SRP72: variants seen among roughly 807,000 people sequenced by gnomAD.
SRP72 encodes signal recognition particle 72, also known as signal recognition particle subunit SRP72.
Under a neutral mutation model 96.3 loss-of-function variants are expected in SRP72, and 49 were observed. The ratio of observed to expected loss-of-function variants is 0.51; its 90% confidence interval spans 0.40 to 0.65. The LOEUF (loss-of-function observed/expected upper bound fraction) is 0.65. Among genes scored for constraint, SRP72 ranks in the 30% least tolerant of loss-of-function variants. The pLI is 0.00. For synonymous variants in SRP72, 267 were observed against 275.2 expected, an observed-to-expected ratio of 0.97 and a Z score of 0.30; for missense variants, 736 against 793.3, an observed-to-expected ratio of 0.93 and a Z score of 0.87.
intron 1 of SRP72, 140 bp downstream of exon 1, chr4:56,467,884 C>T (rs893190292): frequency 7.6e-5 from 64 of 843,938 alleles, no homozygotes; most frequent in Non-Finnish European, 9.5e-5. Context: ...CCGCCCGGCT[C>T]GGGCCCTAGC....
At chr4:56,473,754 A>G (rs1441939649) in intron 3 of SRP72, among the ~76,000 whole-genome samples, 1 of 151,832 alleles carries the variant, frequency 6.6e-6, no homozygotes, top group Non-Finnish European at 1.5e-5. Context: ...AACAAGAGCG[A>G]AACTCCGTCT....
intron 2 of SRP72, among the ~76,000 whole-genome samples, chr4:56,471,244 A>G (rs1719961750): frequency 6.6e-6 from 1 of 152,252 alleles, no homozygotes; most frequent in Non-Finnish European, 1.5e-5. Context: ...TGTGTATGTT[A>G]GTAGTGTTTA....
chr4:56,481,477 C>G (rs575533798), intron 8 of SRP72, among the ~76,000 whole-genome samples: 2 of 152,194 alleles, frequency 1.3e-5, no homozygotes, highest in East Asian at 3.9e-4. Flanking sequence ...GGGCAGATAA[C>G]ACTGTGCCCC....
At chr4:56,474,244 T>C (rs1370773973) in intron 4 of SRP72, 36 bp from the exon 5 acceptor site, 2 of 1,613,250 alleles carry the variant, frequency 1.2e-6, no homozygotes, top group Non-Finnish European at 1.7e-6. Context: ...TTATTATTCA[T>C]ATTTAGTATT....
At chr4:56,470,364 C>T (rs1022649809) in intron 2 of SRP72, among the ~76,000 whole-genome samples, 1 of 152,100 alleles carries the variant, frequency 6.6e-6, no homozygotes, top group Non-Finnish European at 1.5e-5. Context: ...TATGGTGAAA[C>T]CCCATGTCTA....
At chr4:56,478,693 A>G (rs1055929826) in intron 8 of SRP72, 44 bp downstream of exon 8, 2 of 1,574,146 alleles carry the variant, frequency 1.3e-6, no homozygotes, top group Non-Finnish European at 1.7e-6. Context: ...TTACCCTGAA[A>G]GCTCATCACC....
At chr4:56,481,098 G>A (rs559923729) in intron 8 of SRP72, among the ~76,000 whole-genome samples, 1 of 152,284 alleles carries the variant, frequency 6.6e-6, no homozygotes, top group Non-Finnish European at 1.5e-5. Context: ...TTAAAATTGC[G>A]ACATGAGAGA....
chr4:56,467,625 T>C lies in SRP72; in HGVS notation c.-11T>C, dbSNP rs544390040. On this transcript the variant is annotated 5_prime_UTR_variant, in exon 1 of 19. Transcript: ENST00000642900. Reference sequence around the variant, plus strand: ...AGAGGTCTCCCCGCCCCGCCCCTCGTCTCCTCCAAGATGGCGAGCGGCGGC... The same window carrying C: ...AGAGGTCTCCCCGCCCCGCCCCTCGCCTCCTCCAAGATGGCGAGCGGCGGC... 74 of 1,539,848 alleles carry C rather than the reference T, an allele frequency of 4.8e-5. No homozygotes were observed. In the African/African-American group the frequency reaches 8.8e-4, roughly 18 times the overall value.
chr4:56,481,276 G>T (rs1453662101), intron 8 of SRP72, among the ~76,000 whole-genome samples: 1 of 152,050 alleles, frequency 6.6e-6, no homozygotes, highest in Non-Finnish European at 1.5e-5. Flanking sequence ...AGAAGACCTG[G>T]TTTAAAAAAG....
chr4:56,494,524 C>T (rs1721013753), intron 16 of SRP72, among the ~76,000 whole-genome samples: 1 of 151,760 alleles, frequency 6.6e-6, no homozygotes, highest in Non-Finnish European at 1.5e-5. Context: ...CTGCCTCAGC[C>T]TCCCAAGTAG....
intron 2 of SRP72, 113 bp downstream of exon 2, chr4:56,469,886 T>TC (rs1209989044): frequency 1.0e-6 from 1 of 993,726 alleles, no homozygotes; most frequent in East Asian, 2.9e-5. Flanking sequence ...TTTTTTTCCT[T>TC]CCTTTTTTTC....
chr4:56,480,436 T>G (rs1419750300), intron 8 of SRP72, among the ~76,000 whole-genome samples: 2 of 152,082 alleles, frequency 1.3e-5, no homozygotes, highest in Non-Finnish European at 2.9e-5. Flanking sequence ...ATTTTTGTAT[T>G]TTTAGTAGAG....
intron 5 of SRP72, among the ~76,000 whole-genome samples, chr4:56,474,675 CTGGGATTATAGG>C (rs1333087269): frequency 6.6e-6 from 1 of 152,002 alleles, no homozygotes; most frequent in East Asian, 1.9e-4. Context: ...TCCCGAGTAG[CTGGGATTATAGG>C]TGCGCGTCAC....
At chr4:56,491,798 T>C in intron 16 of SRP72, 1 of 391,496 alleles carries the variant, frequency 2.6e-6, no homozygotes, top group Admixed American at 4.2e-5. Flanking sequence ...TTTCTTTGTG[T>C]TTACACACAC....
intron 9 of SRP72, among the ~76,000 whole-genome samples, chr4:56,484,178 C>G (rs565711814): frequency 6.6e-6 from 1 of 151,384 alleles, no homozygotes; most frequent in Non-Finnish European, 1.5e-5. Flanking sequence ...GGACTACAGG[C>G]GCCCAGCACC....
chr4:56,491,364 A>G (rs1578193366), intron 15 of SRP72, 67 bp from the exon 16 acceptor site: 2 of 1,522,870 alleles, frequency 1.3e-6, no homozygotes. Flanking sequence ...ACATTGGCAA[A>G]CATATATATC....
rs551575444 is a variant in SRP72, at chr4:56,500,420, A to C, written c.1679-116A>C. 9 of 1,154,394 alleles carry C rather than the reference A, an allele frequency of 7.8e-6. No homozygotes were observed. The South Asian group carries it at 1.0e-4, about 13-fold the overall frequency. 71.5% of individuals were successfully genotyped at this position (1,154,394 alleles called of 1,614,324 possible). ...TAGATTATACAAACTAAACTTTCTC[A>C]AATAAATTCATTTCCATTTTAATGT... On this transcript the variant is annotated intron_variant, in intron 17 of 18. Coordinates refer to ENST00000642900, the MANE Select transcript of SRP72 (RefSeq NM_006947.4).
intron 16 of SRP72, among the ~76,000 whole-genome samples, chr4:56,492,154 T>C (rs1036275703): frequency 6.6e-6 from 1 of 152,250 alleles, no homozygotes. Context: ...TGTATTGTAC[T>C]TAGTGTTTCC....
In SRP72 at chr4:56,479,007, A is replaced by T. The variant is rs187822923; in HGVS notation, c.825+358A>T. ...TCTTCGTCTATGGAATCTGAATGTGAAAGTGTTCTTTATATAATTTTCTCT... is the reference window on the plus strand; with the variant it reads ...TCTTCGTCTATGGAATCTGAATGTGTAAGTGTTCTTTATATAATTTTCTCT... On this transcript the variant is annotated intron_variant, in intron 8 of 18. Coordinates refer to ENST00000642900, the MANE Select transcript of SRP72 (RefSeq NM_006947.4). 2.3e-3 allele frequency among the ~76,000 whole-genome samples: 345 copies of T among 152,178 alleles called. 1 individual carries two copies. The highest frequency in any genetic ancestry group is 2.7e-3 in the Non-Finnish European group (187 of 68,002).
Sources: allele counts gnomAD v4.1 joint callset (sites outside exome capture counted in the v4.1 genomes callset), GRCh38; gene constraint gnomAD v4.1.1; transcripts MANE v1.5; gene names NCBI Gene and HGNC (gene_info 2026-07-23, HGNC 2026-07-21).